Variants in FANCD2 observed in about 807,000 individuals in gnomAD.
FANCD2 encodes the protein Fanconi anemia group D2 protein.
Under a neutral mutation model 192.3 loss-of-function variants are expected in FANCD2, and 131 were observed. That is an observed-to-expected ratio of 0.68 (90% CI 0.59 to 0.79). The LOEUF (loss-of-function observed/expected upper bound fraction) is 0.79. Ranked by LOEUF, FANCD2 falls within the 30% of genes least tolerant of loss-of-function variation. FANCD2 has a pLI of 0.00. For synonymous variants in FANCD2, 524 were observed against 612.5 expected, an observed-to-expected ratio of 0.86 and a Z score of 2.13; for missense variants, 1,508 against 1,701.6, an observed-to-expected ratio of 0.89 and a Z score of 2.00.
intron 6 of FANCD2, 58 bp from the exon 7 acceptor site, chr3:10,036,229 T>C: frequency 7.0e-7 from 1 of 1,427,900 alleles, no homozygotes; most frequent in Non-Finnish European, 9.9e-7. Context: ...GCTGGGATTA[T>C]ACATTTCTAT....
chr3:10,050,501 T>C (rs1483507314), intron 17 of FANCD2, among the ~76,000 whole-genome samples: 1 of 151,450 alleles, frequency 6.6e-6, no homozygotes, highest in Non-Finnish European at 1.5e-5. Context: ...CGGTCGCCTG[T>C]AGTCCCAGCT....
intron 29 of FANCD2, among the ~76,000 whole-genome samples, chr3:10,076,871 C>T (rs1264910797): frequency 3.3e-5 from 5 of 152,160 alleles, no homozygotes; most frequent in Non-Finnish European, 5.9e-5. Context: ...TCTGCCTCAG[C>T]CTCCCAAGCA....
At position 10,056,212 on chromosome 3, in the gene FANCD2, C is replaced by T. The variant is rs146722676; in HGVS notation, c.1656+3715C>T. 8.4e-3 allele frequency among the ~76,000 whole-genome samples: 1,281 copies of T among 152,312 alleles called. 22 individuals carry two copies. Among genetic ancestry groups the T allele is most frequent in the African/African-American group, 0.029 (1,203 of 41,546 alleles). On this transcript the variant is annotated intron_variant, in intron 18 of 43. Coordinates refer to ENST00000675286, the MANE Select transcript of FANCD2 (RefSeq NM_001018115.3). The stretch of plus-strand genomic sequence containing the variant: ...TTGTTTATACCACATTTTGTTTATC[C>T]ATTCATCCATTGATGGACACTTGGG...
chr3:10,071,136 A>G (rs1349024944), intron 26 of FANCD2, among the ~76,000 whole-genome samples: 3 of 149,740 alleles, frequency 2.0e-5, no homozygotes, highest in Admixed American at 6.6e-5. Context: ...AAAAAAAAAA[A>G]AAGAAAAAAA....
intron 2 of FANCD2, among the ~76,000 whole-genome samples, chr3:10,030,207 C>A (rs190699380): frequency 8.1e-4 from 123 of 151,906 alleles, no homozygotes; most frequent in Non-Finnish European, 1.5e-3. Context: ...AGCGATTCTC[C>A]TGGCTCAGCC....
chr3:10,041,809 T>C (rs2086870245), intron 10 of FANCD2, 99 bp downstream of exon 10: 1 of 860,060 alleles, frequency 1.2e-6, no homozygotes, highest in Admixed American at 1.8e-5. Context: ...ATATTTCATT[T>C]TGAAACCATA....
chr3:10,091,366 C>G (rs1287089755), intron 37 of FANCD2, among the ~76,000 whole-genome samples: 1 of 150,814 alleles, frequency 6.6e-6, no homozygotes, highest in Non-Finnish European at 1.5e-5. Context: ...TAGGCATAAA[C>G]CACTGCACCT....
intron 20 of FANCD2, among the ~76,000 whole-genome samples, chr3:10,062,599 A>G (rs146277083): frequency 1.3e-5 from 2 of 152,226 alleles, no homozygotes; most frequent in Non-Finnish European, 2.9e-5. Context: ...GCTTCTAGTC[A>G]CTGTCAGTTC....
rs1267933900 is a variant in FANCD2 at position 10,081,433 on chromosome 3, C to T, written c.3193C>T (p.Leu1065=). Residue 1065 remains leucine, a synonymous_variant, in exon 32 of 44, where the codon CTG becomes TTG. Transcript: ENST00000675286. ...YHIMSSCYQR[L]LQIFHGLFAW... is the part of the protein sequence containing the mutation. ...CATAATGTCTTCCTGCTATCAGAGG[C>T]TGCTGCAGATTTTTCATGGGCTTTT... 8 of 1,613,756 alleles carry T rather than the reference C, an allele frequency of 5.0e-6. No homozygotes were observed. In the Admixed American group the frequency reaches 1.2e-4, roughly 24 times the overall value.
At chr3:10,101,139 C>A in intron 43 of FANCD2, 49 bp from the exon 44 acceptor site, 2 of 1,403,906 alleles carry the variant, frequency 1.4e-6, no homozygotes, top group Non-Finnish European at 2.0e-6. Flanking sequence ...CCAGAGGTCA[C>A]CCAGAGCAGT....
At chr3:10,044,912 A>AT (rs1270274190) in intron 14 of FANCD2, among the ~76,000 whole-genome samples, 4 of 151,600 alleles carry the variant, frequency 2.6e-5, no homozygotes, top group South Asian at 2.1e-4. Flanking sequence ...TTTTCTTAAC[A>AT]TTTTTTCTCC....
chr3:10,053,538 AT>A lies in FANCD2; in HGVS notation c.1656+1042del, dbSNP rs1273701013. On this transcript the variant is annotated intron_variant, in intron 18 of 43. Transcript: ENST00000675286. ...AACTTACAGTATAATAATAATAAAA[AT>A]AAAATAAAATAGAATAAAATTAAAA... Among the ~76,000 whole-genome samples the A allele has an allele frequency of 6.2e-3, 614 of 99,460 alleles. 5 individuals are homozygous for A. The highest frequency in any genetic ancestry group is 0.028 in the African/African-American group (587 of 20,612). The allele number at this position is 99,460 out of a possible 152,430, so 65.2% of individuals were successfully genotyped here.
rs2086903764 is a variant in FANCD2, at chr3:10,043,043, T to C, written c.889-7T>C. 1 of 1,613,294 alleles carries C rather than the reference T, an allele frequency of 6.2e-7. No homozygotes were observed. On this transcript the variant is annotated splice_polypyrimidine_tract_variant and splice_region_variant and intron_variant, in intron 11 of 43. Transcript: ENST00000675286. ...AGAAAACCATAGCTAATATTTACTT[T>C]CTGCAGGTAATTTCTGAGCTTCGGG...
intron 5 of FANCD2, among the ~76,000 whole-genome samples, 161 bp from the exon 6 acceptor site, chr3:10,035,012 T>C (rs1220872224): frequency 6.6e-6 from 1 of 152,178 alleles, no homozygotes; most frequent in African/African-American, 2.4e-5. Flanking sequence ...AATCTCTACC[T>C]CTCCCTTGCA....
intron 37 of FANCD2, 85 bp downstream of exon 37, chr3:10,090,470 T>TTC (rs1236242420): frequency 2.4e-6 from 2 of 844,958 alleles, no homozygotes; most frequent in Non-Finnish European, 3.6e-6. Context: ...TTTTTTTTTT[T>TTC]TCTGAGACAG....
intron 29 of FANCD2, among the ~76,000 whole-genome samples, chr3:10,077,288 G>A (rs1418100760): frequency 6.6e-6 from 1 of 151,994 alleles, no homozygotes; most frequent in African/African-American, 2.4e-5. Context: ...TGGGCGCAGT[G>A]GCTCACGCCT....
rs565986489 is a variant in FANCD2 at position 10,095,397 on chromosome 3, A to G, written c.4038+123A>G. On this transcript the variant is annotated intron_variant, in intron 41 of 43. Coordinates refer to ENST00000675286, the MANE Select transcript of FANCD2 (RefSeq NM_001018115.3). ...TCTGGGACTGTGTCTGTCCAAAGGC[A>G]GTTTATTCAGAGCAAATCCTTAGTT... 48 of 816,600 alleles carry G rather than the reference A, an allele frequency of 5.9e-5. No individual in the cohort carries two copies. The East Asian group carries it at 1.3e-3, about 21-fold the overall frequency. The allele number at this position is 816,600 out of a possible 1,614,324, so 50.6% of individuals were successfully genotyped here.
chr3:10,087,064 T>C, intron 33 of FANCD2, 70 bp from the exon 34 acceptor site: 5 of 1,558,178 alleles, frequency 3.2e-6, no homozygotes, highest in Non-Finnish European at 4.4e-6. Flanking sequence ...GGGCACGTCA[T>C]GTGGATTTAA....
At chr3:10,052,731 A>G (rs1248082338) in intron 18 of FANCD2, among the ~76,000 whole-genome samples, 1 of 151,866 alleles carries the variant, frequency 6.6e-6, no homozygotes, top group Non-Finnish European at 1.5e-5. Flanking sequence ...ATGAACAGAC[A>G]CTTCTCAAAA....
Sources: gnomAD v4.1 joint callset for allele counts (sites outside exome capture counted in the v4.1 genomes callset) on GRCh38, gnomAD v4.1.1 for gene constraint, MANE v1.5 for transcripts, NCBI Gene and HGNC (gene_info 2026-07-23, HGNC 2026-07-21) for gene names.